The following ABCA12 variants were observed in gnomAD, a reference collection of about 807,000 sequenced individuals.
ABCA12 encodes the protein ATP binding cassette subfamily A member 12, also known as glucosylceramide transporter ABCA12.
A neutral mutation model predicts 293.5 loss-of-function variants in ABCA12; 156 were observed. That is an observed-to-expected ratio of 0.53 (90% confidence interval 0.47 to 0.61). ABCA12 has a LOEUF of 0.61. Ranked by LOEUF, ABCA12 falls within the 20% of genes least tolerant of loss-of-function variation. The probability of loss-of-function intolerance (pLI) is 0.00; values close to 1 mark genes in which losing one functional copy is unlikely to be tolerated. For missense variants in ABCA12, 2,797 were observed against 3,090.2 expected (o/e 0.91, Z 2.25); for synonymous variants, 1,063 against 1,108.0 (o/e 0.96, Z 0.81).
chr2:214,975,679 G>T, intron 34 of ABCA12, 106 bp downstream of exon 34: 3 of 1,459,876 alleles, frequency 2.1e-6, no homozygotes, highest in Non-Finnish European at 2.9e-6. Context: ...AGGTACCATG[G>T]CTTCTAAGTA....
intron 3 of ABCA12, among the ~76,000 whole-genome samples, chr2:215,057,794 T>C (rs1701449361): frequency 6.6e-6 from 1 of 152,020 alleles, no homozygotes; most frequent in Non-Finnish European, 1.5e-5. Flanking sequence ...TTTTTTTAAA[T>C]GGCTGTGGCC....
At chr2:215,021,977 C>A (rs1390108092) in intron 11 of ABCA12, 4 of 152,086 alleles carry the variant, frequency 2.6e-5, no homozygotes. Context: ...AATCACTGTA[C>A]CACCTATAAC....
intron 48 of ABCA12, among the ~76,000 whole-genome samples, chr2:214,947,186 T>C (rs989592907): frequency 1.3e-5 from 2 of 152,238 alleles, no homozygotes; most frequent in African/African-American, 4.8e-5. Context: ...GGAAACGCAC[T>C]AAGCTATTGC....
intron 15 of ABCA12, among the ~76,000 whole-genome samples, chr2:215,012,843 G>C (rs991529101): frequency 6.6e-6 from 1 of 151,936 alleles, no homozygotes; most frequent in Admixed American, 6.6e-5. Context: ...AGTCATAAAG[G>C]CAAATGTCAA....
chr2:214,955,290 T>G lies in ABCA12; in HGVS notation c.6305A>C (p.Tyr2102Ser), dbSNP rs770806176. ...FHETGMAFIT[Y>S]VCVNLFFGIN... ...GCCAAAAAACAAGTTGACACAGACG[T>G]AAGTGATGAAGGCCATTCCTGTTTC... The change falls in exon 43 of 53, where the codon TAC becomes TCC. Residue 2102 changes from tyrosine (Y) to serine (S), a missense_variant. Transcript: ENST00000272895. 1 of 1,614,102 alleles carries G rather than the reference T, an allele frequency of 6.2e-7. No homozygotes were observed. The highest frequency in any genetic ancestry group is 8.5e-7 in the Non-Finnish European group (1 of 1,179,974).
chr2:214,993,738 A>C (rs1183747240), intron 23 of ABCA12, among the ~76,000 whole-genome samples: 2 of 152,236 alleles, frequency 1.3e-5, no homozygotes, highest in Non-Finnish European at 2.9e-5. Flanking sequence ...TATCTAGACC[A>C]TATCAAGGCC....
intron 6 of ABCA12, among the ~76,000 whole-genome samples, chr2:215,048,865 G>C (rs190203860): frequency 2.9e-4 from 44 of 152,278 alleles, no homozygotes; most frequent in African/African-American, 1.1e-3. Flanking sequence ...AAAATGGATG[G>C]AGCTGGAGGC....
chr2:215,104,088 G>A (rs532637088), intron 2 of ABCA12, among the ~76,000 whole-genome samples: 181 of 152,232 alleles, frequency 1.2e-3, no homozygotes, highest in African/African-American at 4.1e-3. Flanking sequence ...GGCCCTGTCT[G>A]ACAAAAGGCC....
chr2:215,051,758 TA>T (rs1248702108), intron 5 of ABCA12, among the ~76,000 whole-genome samples: 1 of 151,610 alleles, frequency 6.6e-6, no homozygotes, highest in African/African-American at 2.4e-5. Flanking sequence ...AAAGAGCACA[TA>T]AAACAGGACT....
At chr2:215,048,481 G>C (rs899816158) in intron 6 of ABCA12, among the ~76,000 whole-genome samples, 2 of 151,988 alleles carry the variant, frequency 1.3e-5, no homozygotes, top group East Asian at 3.9e-4. Context: ...GGTCACTTGA[G>C]GTCAGGAGTT....
intron 49 of ABCA12, 54 bp from the exon 50 acceptor site, chr2:214,943,071 G>T: frequency 7.3e-7 from 1 of 1,364,608 alleles, no homozygotes; most frequent in Non-Finnish European, 1.0e-6. Context: ...AACTTGGGTT[G>T]AAGTTCATGA....
At chr2:215,124,952 TCC>T (rs1201363434) in intron 1 of ABCA12, among the ~76,000 whole-genome samples, 2 of 152,216 alleles carry the variant, frequency 1.3e-5, no homozygotes, top group Non-Finnish European at 2.9e-5. Flanking sequence ...TCGGTTTAAG[TCC>T]TTAATCCACC....
At chr2:215,071,837 C>CT (rs1701743861) in intron 2 of ABCA12, among the ~76,000 whole-genome samples, 1 of 152,194 alleles carries the variant, frequency 6.6e-6, no homozygotes, top group Non-Finnish European at 1.5e-5. Flanking sequence ...TGGCTCATGC[C>CT]TTGAGCCAGT....
At chr2:215,046,621 T>A (rs1484360259) in intron 6 of ABCA12, among the ~76,000 whole-genome samples, 1 of 150,050 alleles carries the variant, frequency 6.7e-6, no homozygotes, top group Non-Finnish European at 1.5e-5. Context: ...ACATGTTCTA[T>A]TCTACATGAC....
chr2:215,067,746 T>C (rs1701664670), intron 2 of ABCA12, among the ~76,000 whole-genome samples: 1 of 152,134 alleles, frequency 6.6e-6, no homozygotes, highest in African/African-American at 2.4e-5. Context: ...GTCATTCTCA[T>C]TGAATGGATA....
chr2:214,999,035 T>C (rs752304940), intron 22 of ABCA12, among the ~76,000 whole-genome samples: 1 of 152,206 alleles, frequency 6.6e-6, no homozygotes, highest in Admixed American at 6.5e-5. Flanking sequence ...AGTATCACTT[T>C]AGCATGCAGA....
intron 1 of ABCA12, among the ~76,000 whole-genome samples, chr2:215,112,485 T>TG (rs1432140892): frequency 1.6e-4 from 17 of 105,388 alleles, no homozygotes; most frequent in Admixed American, 1.1e-3. Context: ...GGGTTTTTTT[T>TG]GTTTTTTTTT....
intron 15 of ABCA12, 104 bp downstream of exon 15, chr2:215,015,386 A>C (rs1241584734): frequency 1.7e-6 from 2 of 1,188,386 alleles, no homozygotes; most frequent in Non-Finnish European, 2.4e-6. Context: ...CCAAAAGCCG[A>C]ATAAATGGAT....
Position 214,956,763 on chromosome 2 carries a change from G to A in ABCA12, c.6133C>T (p.Pro2045Ser), listed in dbSNP as rs765599062. 1.9e-6 allele frequency: 3 copies of A among 1,610,860 alleles called. No homozygotes were observed. In the African/African-American group the frequency reaches 4.0e-5, roughly 22 times the overall value. ...ATGATACCAATTGAAAACGCTACAG[G>A]CACCAAGTAGAAAACCTATGGAAAT... Reference protein sequence around the residue: ...FIYDMVFYLVPVAFSIGIIAI... With the variant: ...FIYDMVFYLVSVAFSIGIIAI... Residue 2045 changes from proline to serine, a missense_variant, in exon 42 of 53, where the codon CCT becomes TCT. Transcript: ENST00000272895.
Sources: gnomAD v4.1 joint callset for allele counts (sites outside exome capture counted in the v4.1 genomes callset) on GRCh38, gnomAD v4.1.1 for gene constraint, MANE v1.5 for transcripts, NCBI Gene and HGNC (gene_info 2026-07-23, HGNC 2026-07-21) for gene names.